CFAP100: variants seen among roughly 807,000 people sequenced by gnomAD.
The protein encoded by CFAP100 is cilia- and flagella-associated protein 100.
CFAP100 carries 70 observed loss-of-function variants against 81.5 expected under a neutral mutation model. The observed-to-expected ratio is 0.86, with a 90% CI of 0.71 to 1.05. CFAP100 has a LOEUF of 1.05. Among genes scored for constraint, CFAP100 ranks in the 50% least tolerant of loss-of-function variants. CFAP100 has a pLI of 0.00. For missense variants in CFAP100, 811 were observed against 776.5 expected (o/e 1.04, Z -0.53); for synonymous variants, 341 against 314.8 (o/e 1.08, Z -0.88).
At chr3:126,429,907 C>T (rs1933141712) in intron 13 of CFAP100, among the ~76,000 whole-genome samples, 1 of 152,154 alleles carries the variant, frequency 6.6e-6, no homozygotes. Context: ...ATCTCCTCTT[C>T]ATTTTTAAAG....
intron 1 of CFAP100, chr3:126,395,432 A>G (rs1257945152): frequency 6.6e-6 from 1 of 152,378 alleles, no homozygotes; most frequent in East Asian, 1.9e-4. Flanking sequence ...TGCCAAGGGT[A>G]TGTCAGGAGC....
At chr3:126,410,507 T>G (rs1057242516) in intron 3 of CFAP100, among the ~76,000 whole-genome samples, 2 of 152,126 alleles carry the variant, frequency 1.3e-5, no homozygotes, top group East Asian at 3.9e-4. Context: ...TGCCTTTCTT[T>G]TTTTTTTCTT....
rs1174524041 is a variant in CFAP100, at chr3:126,403,830, AT to A, written c.50-3333del. Among the ~76,000 whole-genome samples the A allele has an allele frequency of 7.2e-5, 11 of 151,892 alleles. No individual in the cohort carries two copies. The South Asian group carries it at 8.3e-4, about 11-fold the overall frequency. On this transcript the variant is annotated intron_variant, in intron 2 of 16. Transcript: ENST00000352312. ...TGTTAAAATACTAGAAGAAAACACC[AT>A]TTTTTTTTCTAAAAAATATTTAAAC...
chr3:126,418,404 C>T lies in CFAP100; in HGVS notation c.419-54C>T, dbSNP rs1169690646. ...AAGGCTCCTCTGCAGACCTGCCAGG[C>T]CCCTCCTCAGCCTGGGCTTCCCGCT... is the stretch of plus-strand genomic sequence containing the variant. On this transcript the variant is annotated intron_variant, in intron 5 of 16. Coordinates refer to ENST00000352312, the MANE Select transcript of CFAP100 (RefSeq NM_182628.3). 7.1e-6 allele frequency: 11 copies of T among 1,557,364 alleles called. No homozygotes were observed. The African/African-American group carries it at 1.5e-4, about 21-fold the overall frequency.
In CFAP100 at chr3:126,420,175, G is replaced by C. The variant is rs1453102198; in HGVS notation, c.1028G>C (p.Ser343Thr). 6.2e-6 allele frequency: 10 copies of C among 1,612,662 alleles called. No homozygotes were observed. Among genetic ancestry groups the C allele is most frequent in the Non-Finnish European group, 8.5e-6 (10 of 1,180,000 alleles). Reference sequence around the variant, plus strand: ...CTGGGGCGGAGCCCGTCTTACCTGAGCAGCCCCCAGCAAGGCAGCCAGCCC... The same window carrying C: ...CTGGGGCGGAGCCCGTCTTACCTGACCAGCCCCCAGCAAGGCAGCCAGCCC... ...MRLGRSPSYL[S>T]SPQQGSQPSE... The change falls in exon 11 of 17, where the codon AGC becomes ACC. Residue 343 changes from serine to threonine, a missense_variant. Physicochemically the swap from Ser to Thr is moderately conservative, Grantham distance 58. Coordinates refer to ENST00000352312, the MANE Select transcript of CFAP100 (RefSeq NM_182628.3).
chr3:126,420,383 C>T (rs1018366365), intron 11 of CFAP100, among the ~76,000 whole-genome samples, 154 bp downstream of exon 11: 5 of 152,230 alleles, frequency 3.3e-5, no homozygotes, highest in Non-Finnish European at 7.3e-5. Context: ...CGTCCCAGGC[C>T]GGCCAGGAGG....
At chr3:126,403,249 C>G (rs529335407) in intron 2 of CFAP100, among the ~76,000 whole-genome samples, 14 of 152,156 alleles carry the variant, frequency 9.2e-5, no homozygotes, top group African/African-American at 3.4e-4. Context: ...GGAACTGAAG[C>G]CATGGGCACT....
rs755805046 is a variant in CFAP100 at position 126,414,082 on chromosome 3, C to T, written c.131-3C>T. On this transcript the variant is annotated splice_polypyrimidine_tract_variant and splice_region_variant and intron_variant, in intron 3 of 16. Transcript: ENST00000352312. ...CTTTCCAGAGAGGTGTCTCCCTTTC[C>T]AGAACATGGTCCTGACCCTTCAGCG... The T allele has an allele frequency of 6.2e-7, 1 of 1,611,584 alleles. No homozygotes were observed. Among genetic ancestry groups the T allele is most frequent in the South Asian group, 1.1e-5 (1 of 91,002 alleles).
chr3:126,432,954 T>C (rs35133442), intron 13 of CFAP100, 115 bp from the exon 14 acceptor site: 301,298 of 1,214,662 alleles, frequency 0.25, 38,860 homozygotes, highest in East Asian at 0.38. Flanking sequence ...CCCATGATCC[T>C]TCAGCCCTCA....
chr3:126,420,276 C>A, intron 11 of CFAP100, 47 bp downstream of exon 11: 1 of 1,604,612 alleles, frequency 6.2e-7, no homozygotes, highest in Non-Finnish European at 8.5e-7. Flanking sequence ...TAGCGGCGAG[C>A]CCTCCCTTGT....
chr3:126,428,553 G>A (rs973084128), intron 13 of CFAP100, among the ~76,000 whole-genome samples: 2 of 152,202 alleles, frequency 1.3e-5, no homozygotes, highest in African/African-American at 4.8e-5. Context: ...TTCACTGATT[G>A]TATCAAATGT....
At position 126,416,477 on chromosome 3, in the gene CFAP100, C is replaced by G; in HGVS notation, c.387C>G (p.Asp129Glu). 6.2e-7 allele frequency: 1 copy of G among 1,605,216 alleles called. No individual in the cohort carries two copies. The highest frequency in any genetic ancestry group is 1.1e-5 in the South Asian group (1 of 90,326). Residue 129 changes from aspartate to glutamate, a missense_variant, in exon 5 of 17, where the codon GAC (aspartate) becomes GAG (glutamate). Physicochemically the swap from Asp to Glu is conservative, Grantham distance 45. Transcript: ENST00000352312. ...CCGAGCATCAGCGCGCCTTCCGCGA[C>G]TACACGACCTGGAAGCTCACCTTGA... ...AEAEHQRAFR[D>E]YTTWKLTLTK...
intron 7 of CFAP100, 40 bp from the exon 8 acceptor site, chr3:126,419,036 C>A: frequency 1.0e-6 from 1 of 992,750 alleles, no homozygotes. Context: ...GCCACTGGCC[C>A]CTTGCCCCCA....
intron 2 of CFAP100, among the ~76,000 whole-genome samples, chr3:126,397,742 A>G (rs2082910750): frequency 6.6e-6 from 1 of 152,358 alleles, no homozygotes; most frequent in African/African-American, 2.4e-5. Context: ...GGCTTCAGTC[A>G]AGAGGACTGC....
intron 4 of CFAP100, among the ~76,000 whole-genome samples, chr3:126,416,092 G>A (rs975886357): frequency 2.6e-5 from 4 of 152,126 alleles, no homozygotes; most frequent in Admixed American, 1.3e-4. Context: ...ATCTGACCGG[G>A]CAGCCTGTGT....
chr3:126,408,907 G>A (rs1025502417), intron 3 of CFAP100, among the ~76,000 whole-genome samples: 1 of 152,168 alleles, frequency 6.6e-6, no homozygotes, highest in Non-Finnish European at 1.5e-5. Context: ...TCCTGCTTCA[G>A]CCTGCCGGGT....
At position 126,431,908 on chromosome 3, in the gene CFAP100, G is replaced by A. The variant is rs533082438; in HGVS notation, c.1287-1161G>A. 1.0e-3 allele frequency among the ~76,000 whole-genome samples: 156 copies of A among 152,216 alleles called. 1 individual carries two copies. The highest frequency in any genetic ancestry group is 3.5e-3 in the African/African-American group (147 of 41,520). On this transcript the variant is annotated intron_variant, in intron 13 of 16. Coordinates refer to ENST00000352312, the MANE Select transcript of CFAP100 (RefSeq NM_182628.3). ...AAGACTCTGCATTTCTGACACACTTGCAGGTGATGCCCAGGATGTCTGAGG... is the reference window on the plus strand; with the variant it reads ...AAGACTCTGCATTTCTGACACACTTACAGGTGATGCCCAGGATGTCTGAGG...
rs373985760 is a variant in CFAP100 at position 126,423,658 on chromosome 3, G to A, written c.1286+14G>A. On this transcript the variant is annotated intron_variant, in intron 13 of 16. Transcript: ENST00000352312. ...CCAGATCCGCATGTAGGTGCTATGC[G>A]GTGGCCAGTGGGGGCTCCCTGCCGC... 2.5e-5 allele frequency: 40 copies of A among 1,613,706 alleles called. No homozygotes were observed. Among genetic ancestry groups the A allele is most frequent in the Admixed American group, 1.0e-4 (6 of 60,000 alleles).
rs1043629277 is a variant in CFAP100, at chr3:126,394,943, C to G, written c.-95C>G. On this transcript the variant is annotated 5_prime_UTR_variant, in exon 1 of 17. Transcript: ENST00000352312. Reference sequence around the variant, plus strand: ...GCTCCTGGAGCTGAGAACTGCAGCGCGGAGGCTTCGGAGCGAGCCGGGGCA... The same window carrying G: ...GCTCCTGGAGCTGAGAACTGCAGCGGGGAGGCTTCGGAGCGAGCCGGGGCA... 2.0e-5 allele frequency: 3 copies of G among 152,294 alleles called. No homozygotes were observed. Among genetic ancestry groups the G allele is most frequent in the African/African-American group, 7.2e-5 (3 of 41,448 alleles). 9.4% of individuals were successfully genotyped at this position (152,294 alleles called of 1,614,324 possible).
Sources: gnomAD v4.1 joint callset for allele counts (sites outside exome capture counted in the v4.1 genomes callset) on GRCh38, gnomAD v4.1.1 for gene constraint, MANE v1.5 for transcripts, NCBI Gene and HGNC (gene_info 2026-07-23, HGNC 2026-07-21) for gene names.